R3HCC1L: variants seen among roughly 807,000 people sequenced by gnomAD.
R3HCC1L encodes R3H domain and coiled-coil containing 1 like.
Under a neutral mutation model 59.9 loss-of-function variants are expected in R3HCC1L, and 51 were observed. The ratio of observed to expected loss-of-function variants is 0.85; its 90% confidence interval spans 0.68 to 1.07. R3HCC1L has a LOEUF of 1.07. R3HCC1L is among the 50% of genes least tolerant of loss of function. The probability of loss-of-function intolerance (pLI) is 0.00; values close to 1 mark genes in which losing one functional copy is unlikely to be tolerated. For missense variants in R3HCC1L, 965 were observed against 933.0 expected, an observed-to-expected ratio of 1.03 and a Z score of -0.45; for synonymous variants, 322 against 315.2, an observed-to-expected ratio of 1.02 and a Z score of -0.23.
intron 5 of R3HCC1L, among the ~76,000 whole-genome samples, chr10:98,212,980 A>G (rs1853760905): frequency 6.6e-6 from 1 of 152,144 alleles, no homozygotes; most frequent in Non-Finnish European, 1.5e-5. Context: ...GAGAAGAGTA[A>G]AAGGAATACC....
At chr10:98,188,400 G>A (rs1365417056) in intron 4 of R3HCC1L, among the ~76,000 whole-genome samples, 1 of 152,152 alleles carries the variant, frequency 6.6e-6, no homozygotes, top group African/African-American at 2.4e-5. Context: ...TAGGCATTCA[G>A]AGATCATTTA....
chr10:98,179,614 A>G (rs1590581862), intron 4 of R3HCC1L, among the ~76,000 whole-genome samples: 1 of 152,142 alleles, frequency 6.6e-6, no homozygotes, highest in East Asian at 1.9e-4. Context: ...TTTTCTATTG[A>G]TTGGAATAGT....
At chr10:98,159,177 G>A (rs1847164848) in intron 2 of R3HCC1L, among the ~76,000 whole-genome samples, 1 of 152,108 alleles carries the variant, frequency 6.6e-6, no homozygotes, top group Non-Finnish European at 1.5e-5. Context: ...TTCATCTGAT[G>A]TTTTCTCATG....
At chr10:98,187,868 G>A (rs986579157) in intron 4 of R3HCC1L, among the ~76,000 whole-genome samples, 1 of 151,084 alleles carries the variant, frequency 6.6e-6, no homozygotes, top group Non-Finnish European at 1.5e-5. Context: ...TCCTAAGTAG[G>A]TAGGGCTACA....
At chr10:98,141,791 A>G (rs1043484234) in intron 1 of R3HCC1L, among the ~76,000 whole-genome samples, 2 of 152,218 alleles carry the variant, frequency 1.3e-5, no homozygotes, top group East Asian at 1.9e-4. Context: ...AGAGAGAACC[A>G]GGTGGAAACT....
chr10:98,205,213 C>T (rs1391909277), intron 4 of R3HCC1L, among the ~76,000 whole-genome samples: 1 of 152,128 alleles, frequency 6.6e-6, no homozygotes, highest in African/African-American at 2.4e-5. Flanking sequence ...GCTTTTCAAG[C>T]TATTTATGTA....
chr10:98,205,563 C>T (rs1323947403), intron 4 of R3HCC1L, among the ~76,000 whole-genome samples: 2 of 152,102 alleles, frequency 1.3e-5, no homozygotes, highest in African/African-American at 4.8e-5. Flanking sequence ...TAAAGAAAAA[C>T]ATCAAGTAAT....
At chr10:98,235,929 T>G in intron 8 of R3HCC1L, 95 bp from the exon 9 acceptor site, 1 of 1,355,012 alleles carries the variant, frequency 7.4e-7, no homozygotes. Context: ...CCCTTGTTAG[T>G]CTATTTTGTA....
At chr10:98,196,017 C>T (rs535441653) in intron 4 of R3HCC1L, among the ~76,000 whole-genome samples, 1 of 152,244 alleles carries the variant, frequency 6.6e-6, no homozygotes, top group South Asian at 2.1e-4. Flanking sequence ...GAATATGTGA[C>T]ATTTATTTAT....
chr10:98,193,394 A>C (rs1851072693), intron 4 of R3HCC1L, among the ~76,000 whole-genome samples: 1 of 152,132 alleles, frequency 6.6e-6, no homozygotes, highest in Non-Finnish European at 1.5e-5. Context: ...AATAAAAAAA[A>C]CTGTAAGAAC....
At chr10:98,214,107 T>C (rs996354454) in intron 5 of R3HCC1L, among the ~76,000 whole-genome samples, 2 of 152,240 alleles carry the variant, frequency 1.3e-5, no homozygotes, top group African/African-American at 2.4e-5. Context: ...CCCTTTGAGC[T>C]CTGTTATATT....
intron 5 of R3HCC1L, among the ~76,000 whole-genome samples, chr10:98,221,952 C>G (rs1359392341): frequency 2.0e-5 from 3 of 152,128 alleles, no homozygotes; most frequent in Non-Finnish European, 4.4e-5. Flanking sequence ...GGCATTGAAT[C>G]TGTAAATTAC....
chr10:98,243,011 A>G (rs111238853), intron 9 of R3HCC1L, among the ~76,000 whole-genome samples: 55 of 152,342 alleles, frequency 3.6e-4, no homozygotes, highest in African/African-American at 1.3e-3. Flanking sequence ...TATTCAGATA[A>G]TGCCACAAGA....
chr10:98,153,849 C>CA (rs1471527810), intron 1 of R3HCC1L, among the ~76,000 whole-genome samples: 3 of 151,214 alleles, frequency 2.0e-5, no homozygotes, highest in East Asian at 1.9e-4. Flanking sequence ...GTTTAGGACT[C>CA]ACGTGGTTTG....
chr10:98,150,451 T>C (rs1858806121), intron 1 of R3HCC1L, among the ~76,000 whole-genome samples: 1 of 152,260 alleles, frequency 6.6e-6, no homozygotes, highest in South Asian at 2.1e-4. Flanking sequence ...TGTTTGGATC[T>C]ACTTGTTTTG....
Position 98,209,594 on chromosome 10 carries a change from T to G in R3HCC1L, c.1480T>G (p.Leu494Val), listed in dbSNP as rs2135277911. The G allele has an allele frequency of 6.2e-7, 1 of 1,613,968 alleles. No homozygotes were observed. Among genetic ancestry groups the G allele is most frequent in the Middle Eastern group, 1.6e-4 (1 of 6,062 alleles). Residue 494 changes from leucine (L) to valine (V), a missense_variant, in exon 5 of 10, where the codon TTA becomes GTA. Leu to Val is a conservative substitution (Grantham distance 32). Coordinates refer to ENST00000298999, the MANE Select transcript of R3HCC1L (RefSeq NM_001351015.2). ...NTFLDSELSM[L>V]NGTKVLSDSA... ...TTTTTTGGACTCTGAACTCAGTATG[T>G]TAAATGGGACAAAAGTTCTTTCAGA...
In R3HCC1L at chr10:98,185,034, C is replaced by A. The variant is rs1017637113; in HGVS notation, c.-15+21637C>A. Among the ~76,000 whole-genome samples the A allele has an allele frequency of 2.0e-5, 3 of 152,172 alleles. No individual in the cohort carries two copies. The East Asian group carries it at 5.8e-4, about 29-fold the overall frequency. ...CAAGAAAATTTGTGATTTTGCACAA[C>A]ATCCATCTTTTACTTTGTTTTAATG... is the stretch of plus-strand genomic sequence containing the variant. On this transcript the variant is annotated intron_variant, in intron 4 of 9. Coordinates refer to ENST00000298999, the MANE Select transcript of R3HCC1L (RefSeq NM_001351015.2).
Position 98,208,740 on chromosome 10 carries a change from C to G in R3HCC1L, c.626C>G (p.Thr209Ser), listed in dbSNP as rs569463755. The G allele has an allele frequency of 5.6e-6, 9 of 1,614,126 alleles. No homozygotes were observed. In the East Asian group the frequency reaches 2.0e-4, roughly 36 times the overall value. The stretch of plus-strand genomic sequence containing the variant: ...AAAGATTTGGAAGGCAGAATTGAAA[C>G]TGATACCAAGGTTTTGGAGATACTA... Reference protein sequence around the residue: ...EDKDLEGRIETDTKVLEILYE... With the variant: ...EDKDLEGRIESDTKVLEILYE... Residue 209 changes from threonine (T) to serine (S), a missense_variant, in exon 5 of 10, where the codon ACT becomes AGT. By Grantham distance (58) the Thr-to-Ser change is moderately conservative. Coordinates refer to ENST00000298999, the MANE Select transcript of R3HCC1L (RefSeq NM_001351015.2).
chr10:98,230,271 T>G (rs1045274187), intron 5 of R3HCC1L, among the ~76,000 whole-genome samples: 4 of 152,224 alleles, frequency 2.6e-5, no homozygotes, highest in Non-Finnish European at 5.9e-5. Context: ...CTGTTATTGG[T>G]CTATTCAGAG....
Sources: allele counts gnomAD v4.1 joint callset (sites outside exome capture counted in the v4.1 genomes callset), GRCh38; gene constraint gnomAD v4.1.1; transcripts MANE v1.5; gene names NCBI Gene and HGNC (gene_info 2026-07-23, HGNC 2026-07-21).